Variants in EIPR1 observed in about 807,000 individuals in gnomAD.
The protein encoded by EIPR1 is EARP complex and GARP complex interacting protein 1.
In EIPR1, 25 loss-of-function variants were observed where a neutral mutation model predicts 48.1. That is an observed-to-expected ratio of 0.52 (90% CI 0.38 to 0.73). The LOEUF (loss-of-function observed/expected upper bound fraction) is 0.73, where lower values mean the gene tolerates loss of function less well. Among genes scored for constraint, EIPR1 ranks in the 30% least tolerant of loss-of-function variants. The pLI is 0.00. For missense variants in EIPR1, 415 were observed against 506.2 expected, an observed-to-expected ratio of 0.82 and a Z score of 1.73; for synonymous variants, 204 against 201.9, an observed-to-expected ratio of 1.01 and a Z score of -0.09.
At chr2:3,349,517 C>T (rs535787340) in intron 2 of EIPR1, among the ~76,000 whole-genome samples, 10 of 152,328 alleles carry the variant, frequency 6.6e-5, no homozygotes, top group Non-Finnish European at 1.2e-4. Context: ...CACCACAAGA[C>T]GGGGATAAGG....
At chr2:3,246,428 A>G (rs1052987346) in intron 4 of EIPR1, among the ~76,000 whole-genome samples, 5 of 152,122 alleles carry the variant, frequency 3.3e-5, no homozygotes, top group African/African-American at 1.2e-4. Flanking sequence ...CCCTGCCTCA[A>G]TACCGCCTTC....
intron 1 of EIPR1, among the ~76,000 whole-genome samples, chr2:3,362,096 C>A (rs1259717328): frequency 6.6e-6 from 1 of 152,252 alleles, no homozygotes; most frequent in Non-Finnish European, 1.5e-5. Flanking sequence ...CTAAGCGCCC[C>A]TGGGCACGTC....
intron 1 of EIPR1, chr2:3,377,415 C>A: frequency 2.2e-6 from 1 of 447,632 alleles, no homozygotes; most frequent in Non-Finnish European, 4.0e-6. Context: ...AAGTCATGTT[C>A]GGGACAGGAT....
At chr2:3,287,478 C>A (rs1303151244) in intron 3 of EIPR1, among the ~76,000 whole-genome samples, 2 of 150,138 alleles carry the variant, frequency 1.3e-5, no homozygotes, top group Non-Finnish European at 3.0e-5. Context: ...AGCTCGTTCA[C>A]CACACTCCAG....
At chr2:3,259,854 G>A (rs1667272386) in intron 3 of EIPR1, among the ~76,000 whole-genome samples, 1 of 152,130 alleles carries the variant, frequency 6.6e-6, no homozygotes, top group Admixed American at 6.5e-5. Context: ...AAATGATGCT[G>A]GATCAATTGT....
At chr2:3,301,654 TATA>T (rs1572415344) in intron 3 of EIPR1, among the ~76,000 whole-genome samples, 1 of 152,258 alleles carries the variant, frequency 6.6e-6, no homozygotes, top group African/African-American at 2.4e-5. Context: ...TTTCTGGTCT[TATA>T]ATATTTGTTT....
intron 3 of EIPR1, among the ~76,000 whole-genome samples, chr2:3,323,077 C>T (rs1279319921): frequency 6.6e-6 from 1 of 150,868 alleles, no homozygotes; most frequent in African/African-American, 2.5e-5. Context: ...ATAAGCTAAT[C>T]TTATATTACA....
intron 3 of EIPR1, among the ~76,000 whole-genome samples, chr2:3,310,336 G>C (rs191870588): frequency 3.0e-4 from 45 of 152,244 alleles, no homozygotes; most frequent in Admixed American, 2.7e-3. Context: ...AGAAATACCA[G>C]TAAGTTCTCA....
chr2:3,300,802 T>A (rs951616499), intron 3 of EIPR1: 2 of 152,226 alleles, frequency 1.3e-5, no homozygotes, highest in African/African-American at 2.4e-5. Flanking sequence ...GCATGTTTTC[T>A]ACAAGAGAGT....
rs184368318 is a variant in EIPR1, at chr2:3,376,362, T to C, written c.42+1286A>G. ...GGTGTCTGGGTGGCATATGTTATTC[T>C]ACTAACACTGCTGCCTCTCTGACTG... On this transcript the variant is annotated intron_variant, in intron 1 of 8. Transcript: ENST00000382125. Among the ~76,000 whole-genome samples, 7 of 152,160 alleles carry C rather than the reference T, an allele frequency of 4.6e-5. No homozygotes were observed. In the East Asian group the frequency reaches 1.4e-3, roughly 30 times the overall value.
intron 4 of EIPR1, among the ~76,000 whole-genome samples, chr2:3,227,669 T>C (rs1006433117): frequency 2.6e-5 from 4 of 152,184 alleles, no homozygotes; most frequent in Admixed American, 6.5e-5. Context: ...TGGAAGCTGC[T>C]CCCATCACAG....
intron 4 of EIPR1, among the ~76,000 whole-genome samples, chr2:3,216,188 C>T (rs571249647): frequency 8.3e-4 from 126 of 152,282 alleles, no homozygotes; most frequent in Non-Finnish European, 1.3e-3. Context: ...AAGGATGCAA[C>T]GGGCAGCCCA....
intron 3 of EIPR1, among the ~76,000 whole-genome samples, chr2:3,277,144 T>C (rs577183124): frequency 2.0e-5 from 3 of 152,038 alleles, no homozygotes; most frequent in East Asian, 3.9e-4. Flanking sequence ...AAGTGCAATG[T>C]TGGGGGAGAA....
intron 2 of EIPR1, among the ~76,000 whole-genome samples, chr2:3,345,493 T>C (rs1670372051): frequency 6.6e-6 from 1 of 151,764 alleles, no homozygotes; most frequent in Non-Finnish European, 1.5e-5. Flanking sequence ...GGCATGGTGG[T>C]GCACGCCTGT....
chr2:3,295,735 C>T lies in EIPR1; in HGVS notation c.260-38280G>A, dbSNP rs573815553. Among the ~76,000 whole-genome samples, 25 of 132,768 alleles carry T rather than the reference C, an allele frequency of 1.9e-4. 1 individual carries two copies. The highest frequency in any genetic ancestry group is 3.5e-4 in the Non-Finnish European group (22 of 62,106). The allele number at this position is 132,768 out of a possible 152,430, so 87.1% of individuals were successfully genotyped here. A position where few individuals can be genotyped will look rare whatever the true frequency, so the allele number is the denominator to read the frequency against. ...CCATCAAGCCCATCCTCTCTACATA[C>T]ACACACCCTCCATCCAGCCCGTCCT... On this transcript the variant is annotated intron_variant, in intron 3 of 8. Coordinates refer to ENST00000382125, the MANE Select transcript of EIPR1 (RefSeq NM_003310.5).
intron 5 of EIPR1, among the ~76,000 whole-genome samples, chr2:3,198,059 C>T (rs1422589016): frequency 1.3e-5 from 2 of 152,208 alleles, no homozygotes; most frequent in African/African-American, 2.4e-5. Flanking sequence ...TGAACAAGTC[C>T]CAGAGGTCCC....
intron 3 of EIPR1, among the ~76,000 whole-genome samples, chr2:3,298,818 G>A (rs897879887): frequency 6.6e-6 from 1 of 152,136 alleles, no homozygotes; most frequent in African/African-American, 2.4e-5. Context: ...CCCATAAGAA[G>A]GCATTCCAGT....
At chr2:3,342,148 C>CA (rs1670271120) in intron 2 of EIPR1, among the ~76,000 whole-genome samples, 1 of 151,166 alleles carries the variant, frequency 6.6e-6, no homozygotes, top group African/African-American at 2.4e-5. Flanking sequence ...AATAAATGAA[C>CA]AAAAAAAGTG....
intron 3 of EIPR1, among the ~76,000 whole-genome samples, chr2:3,293,724 T>C (rs901591832): frequency 1.3e-5 from 2 of 152,180 alleles, no homozygotes; most frequent in Admixed American, 1.3e-4. Flanking sequence ...ACTCTCTTAA[T>C]ATGCTGCAGG....
Sources: allele counts gnomAD v4.1 joint callset (sites outside exome capture counted in the v4.1 genomes callset), GRCh38; gene constraint gnomAD v4.1.1; transcripts MANE v1.5; gene names NCBI Gene and HGNC (gene_info 2026-07-23, HGNC 2026-07-21).